PRKCE: variants seen among roughly 807,000 people sequenced by gnomAD.
PRKCE encodes protein kinase C epsilon, also known as protein kinase C epsilon type.
A neutral mutation model predicts 85.4 loss-of-function variants in PRKCE; 16 were observed. That is an observed-to-expected ratio of 0.19 (90% CI 0.13 to 0.28). The LOEUF (loss-of-function observed/expected upper bound fraction) is 0.28. Among genes scored for constraint, PRKCE ranks in the 10% least tolerant of loss-of-function variants. The probability of loss-of-function intolerance (pLI) is 1.00; values close to 1 mark genes in which losing one functional copy is unlikely to be tolerated. For synonymous variants in PRKCE, 388 were observed against 371.5 expected (o/e 1.04, Z -0.51); for missense variants, 573 against 975.2 (o/e 0.59, Z 5.49).
intron 1 of PRKCE, chr2:45,770,858 A>G (rs1432536047): frequency 1.2e-5 from 1 of 83,796 alleles, no homozygotes; most frequent in Non-Finnish European, 2.6e-5. Flanking sequence ...AAATCAAAAC[A>G]AACAAGGGCT....
chr2:45,711,775 C>T (rs776494258), intron 1 of PRKCE, among the ~76,000 whole-genome samples: 23 of 152,128 alleles, frequency 1.5e-4, no homozygotes, highest in African/African-American at 2.4e-4. Context: ...CAGTCATGCG[C>T]GACCATGCCC....
chr2:45,993,565 C>G (rs139383181), intron 6 of PRKCE, among the ~76,000 whole-genome samples: 4 of 152,184 alleles, frequency 2.6e-5, no homozygotes, highest in Non-Finnish European at 4.4e-5. Context: ...TTTGTCAGGA[C>G]AGACAGGTCT....
chr2:45,821,872 A>G (rs1406553594), intron 1 of PRKCE, among the ~76,000 whole-genome samples: 1 of 152,108 alleles, frequency 6.6e-6, no homozygotes, highest in African/African-American at 2.4e-5. Flanking sequence ...TGCTGAGGAG[A>G]GTAAGGGAAG....
chr2:46,005,192 G>A (rs1011216214), intron 8 of PRKCE, among the ~76,000 whole-genome samples: 1 of 152,206 alleles, frequency 6.6e-6, no homozygotes, highest in Non-Finnish European at 1.5e-5. Flanking sequence ...TCCTAGGCCT[G>A]TTTCCCCTCT....
intron 1 of PRKCE, among the ~76,000 whole-genome samples, chr2:45,678,203 G>A (rs1227398718): frequency 6.6e-6 from 1 of 152,086 alleles, no homozygotes; most frequent in African/African-American, 2.4e-5. Context: ...AACCTTTAAT[G>A]TTCTACCCAT....
intron 13 of PRKCE, among the ~76,000 whole-genome samples, chr2:46,154,733 CTT>C (rs368843926): frequency 4.0e-4 from 54 of 136,238 alleles, no homozygotes; most frequent in East Asian, 4.2e-4. Flanking sequence ...CTCAGTGAGG[CTT>C]TTTTTTTTTT....
At chr2:45,942,700 T>A (rs1699972143) in intron 2 of PRKCE, among the ~76,000 whole-genome samples, 1 of 152,244 alleles carries the variant, frequency 6.6e-6, no homozygotes, top group African/African-American at 2.4e-5. Flanking sequence ...TGTTTTATGA[T>A]TCTGCGATTA....
intron 10 of PRKCE, among the ~76,000 whole-genome samples, chr2:46,027,000 C>T (rs897116814): frequency 2.0e-5 from 3 of 152,038 alleles, no homozygotes; most frequent in Non-Finnish European, 2.9e-5. Flanking sequence ...GACCCTGTCT[C>T]TACAAAAAAT....
intron 1 of PRKCE, among the ~76,000 whole-genome samples, chr2:45,809,579 C>G (rs1688502236): frequency 6.6e-6 from 1 of 151,004 alleles, no homozygotes; most frequent in Non-Finnish European, 1.5e-5. Context: ...GTTTTTTTTT[C>G]TCACACATGA....
At chr2:45,896,390 G>C (rs1696142695) in intron 2 of PRKCE, among the ~76,000 whole-genome samples, 1 of 152,128 alleles carries the variant, frequency 6.6e-6, no homozygotes, top group South Asian at 2.1e-4. Context: ...GCTGTGGCTG[G>C]GAGGGAGTTA....
chr2:46,047,227 C>T (rs201115370), intron 10 of PRKCE, among the ~76,000 whole-genome samples: 2 of 152,120 alleles, frequency 1.3e-5, no homozygotes, highest in East Asian at 3.8e-4. Context: ...AACTGCCCTC[C>T]TTGTCTGATA....
At chr2:45,772,156 G>A (rs1028664243) in intron 1 of PRKCE, among the ~76,000 whole-genome samples, 2 of 152,032 alleles carry the variant, frequency 1.3e-5, no homozygotes, top group Non-Finnish European at 2.9e-5. Context: ...CAGACATGCT[G>A]GTGCCTAATT....
intron 2 of PRKCE, among the ~76,000 whole-genome samples, chr2:45,884,776 A>G (rs4952788): frequency 0.37 from 56,552 of 150,908 alleles, 10,896 homozygotes; most frequent in East Asian, 0.55. Context: ...TAAAAACTTC[A>G]ACCAGCACAG....
chr2:46,048,922 C>T (rs910339281), intron 10 of PRKCE, among the ~76,000 whole-genome samples: 3 of 152,168 alleles, frequency 2.0e-5, no homozygotes, highest in African/African-American at 7.2e-5. Context: ...GGGCACCAGT[C>T]ATGTGTTGTA....
intron 1 of PRKCE, among the ~76,000 whole-genome samples, chr2:45,734,498 G>A (rs1436352029): frequency 6.6e-6 from 1 of 152,250 alleles, no homozygotes; most frequent in Non-Finnish European, 1.5e-5. Flanking sequence ...GCGTTAAGTG[G>A]TGTGAGCATT....
At chr2:46,088,372 C>T (rs192198167) in intron 11 of PRKCE, among the ~76,000 whole-genome samples, 4 of 152,300 alleles carry the variant, frequency 2.6e-5, no homozygotes, top group Non-Finnish European at 4.4e-5. Flanking sequence ...CACTGCCTGC[C>T]TGGCCCCATC....
At position 46,001,536 on chromosome 2, in the gene PRKCE, G is replaced by C; in HGVS notation, c.956G>C (p.Arg319Thr). ...TPDKITNSGQ[R>T]RKKLIAGAES... is the part of the protein sequence containing the mutation. ...GACAAAATCACCAACAGCGGCCAGA[G>C]AAGGAAAAAGGTAACTGGCTGTTTG... The change falls in exon 7 of 15, where the codon AGA becomes ACA. Residue 319 changes from arginine (R) to threonine (T), a missense_variant. Physicochemically the swap from Arg to Thr is moderately conservative, Grantham distance 71. Around this residue, in one of 11 missense-constraint regions of PRKCE, gnomAD observed 55 missense variants for 128.1 expected, o/e 0.43. Coordinates refer to ENST00000306156, the MANE Select transcript of PRKCE (RefSeq NM_005400.3). This position sits in a 1 kb window ranked among gnomAD's most constrained non-coding sequence, Gnocchi z 4.4. The C allele has an allele frequency of 6.3e-7, 1 of 1,598,284 alleles. No homozygotes were observed. The highest frequency in any genetic ancestry group is 8.5e-7 in the Non-Finnish European group (1 of 1,179,300).
intron 11 of PRKCE, among the ~76,000 whole-genome samples, chr2:46,094,195 C>G (rs903174233): frequency 6.6e-6 from 1 of 152,150 alleles, no homozygotes; most frequent in African/African-American, 2.4e-5. Flanking sequence ...AGCTGTCACC[C>G]TGGGATCCCA....
At chr2:45,835,625 A>T (rs1414262104) in intron 1 of PRKCE, among the ~76,000 whole-genome samples, 1 of 146,740 alleles carries the variant, frequency 6.8e-6, no homozygotes, top group Non-Finnish European at 1.5e-5. Context: ...AAGAGACAGG[A>T]TCTCACCTAG....
Sources: allele counts gnomAD v4.1 joint callset (sites outside exome capture counted in the v4.1 genomes callset), GRCh38; gene constraint gnomAD v4.1.1; regional missense constraint gnomAD v4.1.1; non-coding constraint Gnocchi (gnomAD v3.1); transcripts MANE v1.5; gene names NCBI Gene and HGNC (gene_info 2026-07-23, HGNC 2026-07-21).